PDK3: variants seen among roughly 807,000 people sequenced by gnomAD.
PDK3 encodes pyruvate dehydrogenase kinase, isozyme 3.
Under a neutral mutation model 32.0 loss-of-function variants are expected in PDK3, and 12 were observed. The ratio of observed to expected loss-of-function variants is 0.37; its 90% CI spans 0.24 to 0.61. PDK3 has a LOEUF of 0.61. Among genes scored for constraint, PDK3 ranks in the 20% least tolerant of loss-of-function variants. The pLI is 0.65. For missense variants in PDK3, 188 were observed against 316.9 expected (o/e 0.59, Z 3.09); for synonymous variants, 122 against 116.3 (o/e 1.05, Z -0.31).
chrX:24,466,455 C>T (rs1940065606), intron 1 of PDK3, among the ~76,000 whole-genome samples: 1 of 111,938 alleles, frequency 8.9e-6, no homozygotes, highest in African/African-American at 3.3e-5. Context: ...AAATCAAATC[C>T]AGCAGCAAAG....
chrX:24,505,046 A>G (rs1215752402), intron 4 of PDK3, among the ~76,000 whole-genome samples, 163 bp from the exon 5 acceptor site: 1 of 112,091 alleles, frequency 8.9e-6, no homozygotes, highest in Non-Finnish European at 1.9e-5. Context: ...AGAGTTGTTC[A>G]CCCATCAATT....
intron 10 of PDK3, among the ~76,000 whole-genome samples, chrX:24,533,581 G>A (rs1922706462): frequency 8.9e-6 from 1 of 111,777 alleles, no homozygotes; most frequent in Non-Finnish European, 1.9e-5. Flanking sequence ...TTATAAACCT[G>A]GGATGCATGA....
exon 12 of PDK3, among the ~76,000 whole-genome samples, chrX:24,543,638 A>G (rs1244379791): frequency 9.1e-6 from 1 of 110,236 alleles, no homozygotes; most frequent in African/African-American, 3.3e-5. Flanking sequence ...TAGTAGAGAC[A>G]GGGTTTCACC....
intron 3 of PDK3, among the ~76,000 whole-genome samples, chrX:24,500,722 T>G (rs1921834040): frequency 1.8e-5 from 2 of 112,032 alleles, no homozygotes; most frequent in South Asian, 7.4e-4. Context: ...CCTTTTCTGT[T>G]TACCAAGAGG....
At chrX:24,537,749 C>T (rs772241421), downstream of PDK3, among the ~76,000 whole-genome samples, 8 of 111,358 alleles carry the variant, frequency 7.2e-5, no homozygotes, top group African/African-American at 2.0e-4. Context: ...CATTTAGTAG[C>T]GTTGGTCTTC....
exon 12 of PDK3, chrX:24,550,095 G>A (rs1473424412): frequency 1.8e-5 from 2 of 111,837 alleles, no homozygotes; most frequent in Non-Finnish European, 3.8e-5. Context: ...AATCTGACCT[G>A]GTTCGCTTTG....
chrX:24,488,184 A>C (rs1037625389), intron 1 of PDK3, among the ~76,000 whole-genome samples: 1 of 111,221 alleles, frequency 9.0e-6, no homozygotes, highest in African/African-American at 3.3e-5. Context: ...TCCTGCTCTC[A>C]GGTGGCTAGC....
At chrX:24,537,081 A>G (rs1168687346), downstream of PDK3, among the ~76,000 whole-genome samples, 4 of 107,441 alleles carry the variant, frequency 3.7e-5, no homozygotes, top group Non-Finnish European at 7.7e-5. Context: ...CCTAGAATCA[A>G]CTGTTTCCCT....
At chrX:24,537,142 G>A (rs1232430962), downstream of PDK3, among the ~76,000 whole-genome samples, 1 of 89,019 alleles carries the variant, frequency 1.1e-5, no homozygotes, top group East Asian at 3.4e-4. Context: ...TTTTGAGACA[G>A]AGTCTCACTC....
rs758129546 is a variant in PDK3, at chrX:24,527,293, GA to G, written c.751-266del. 5.2e-3 allele frequency among the ~76,000 whole-genome samples: 397 copies of G among 75,949 alleles called. 2 individuals carry two copies. The highest frequency in any genetic ancestry group is 8.4e-3 in the African/African-American group (186 of 22,182). The allele number at this position is 75,949 out of a possible 115,157, so 66.0% of individuals were successfully genotyped here. A position where few individuals can be genotyped will look rare whatever the true frequency, so the allele number is the denominator to read the frequency against. On this transcript the variant is annotated intron_variant, in intron 7 of 10. Transcript: ENST00000379162. The stretch of plus-strand genomic sequence containing the variant: ...TTGAATAATTTAAATACCGTAAAGC[GA>G]AAAAAAAAAAAAAAGAGGAAGAAGA...
intron 1 of PDK3, among the ~76,000 whole-genome samples, chrX:24,469,881 A>G (rs113762659): frequency 2.4e-4 from 27 of 112,523 alleles, no homozygotes; most frequent in Non-Finnish European, 4.3e-4. Flanking sequence ...TGAAATTAAC[A>G]TATCTATCAT....
intron 1 of PDK3, among the ~76,000 whole-genome samples, chrX:24,484,375 G>A (rs1168384793): frequency 8.9e-6 from 1 of 112,367 alleles, no homozygotes; most frequent in Admixed American, 9.4e-5. Flanking sequence ...AATCTTTTGA[G>A]GAATCATGAT....
rs1461971915 is a variant in PDK3 at position 24,473,231 on chromosome X, A to G, written c.106+7670A>G. ...TCTACTAAAAATACAAAAATTAGCCAGGCATGGTGGTGGGCGCCTATAGTC... is the reference window on the plus strand; with the variant it reads ...TCTACTAAAAATACAAAAATTAGCCGGGCATGGTGGTGGGCGCCTATAGTC... On this transcript the variant is annotated intron_variant, in intron 1 of 10. Coordinates refer to ENST00000379162, the MANE Select transcript of PDK3 (RefSeq NM_005391.5). Among the ~76,000 whole-genome samples the G allele has an allele frequency of 3.8e-5, 4 of 104,725 alleles. No individual in the cohort carries two copies. In the East Asian group the frequency reaches 1.3e-3, roughly 34 times the overall value. The allele number at this position is 104,725 out of a possible 115,157, so 90.9% of individuals were successfully genotyped here. A position where few individuals can be genotyped will look rare whatever the true frequency, so the allele number is the denominator to read the frequency against.
In PDK3 at chrX:24,465,295, G is replaced by A. The variant is rs1940049810; in HGVS notation, c.-161G>A. On this transcript the variant is annotated 5_prime_UTR_variant, in exon 1 of 11. Transcript: ENST00000379162. ...CCGCGGGCGGCCCGCCGCTGTCCTG[G>A]AGCTGCTGCTGCTGCTGCGGCGGCT... The A allele has an allele frequency of 6.0e-6, 2 of 332,140 alleles. No homozygotes were observed. The highest frequency in any genetic ancestry group is 1.3e-4 in the Admixed American group (2 of 15,397). The allele number at this position is 332,140 out of a possible 1,213,427, so 27.4% of individuals were successfully genotyped here.
At chrX:24,496,824 G>A (rs1311576914) in intron 2 of PDK3, among the ~76,000 whole-genome samples, 3 of 77,885 alleles carry the variant, frequency 3.9e-5, no homozygotes, top group Admixed American at 1.9e-4. Context: ...CTCTGTTGCC[G>A]AGGCTGGAGT....
chrX:24,545,580 G>C (rs771180180), exon 12 of PDK3: 3 of 111,839 alleles, frequency 2.7e-5, no homozygotes, highest in Non-Finnish European at 5.6e-5. Context: ...TGACAGCCTT[G>C]CTGTATGCAC....
chrX:24,493,949 A>G (rs1921636272), intron 1 of PDK3, among the ~76,000 whole-genome samples: 1 of 111,947 alleles, frequency 8.9e-6, no homozygotes, highest in Non-Finnish European at 1.9e-5. Flanking sequence ...GCCACATGAC[A>G]GCAGGGGAAA....
intron 9 of PDK3, among the ~76,000 whole-genome samples, chrX:24,531,222 C>T (rs1922642501): frequency 9.0e-6 from 1 of 110,790 alleles, no homozygotes; most frequent in Non-Finnish European, 1.9e-5. Flanking sequence ...CCCACCACCT[C>T]GCCCAGCTAA....
intron 8 of PDK3, 102 bp from the exon 9 acceptor site, chrX:24,527,974 T>A (rs1036998193): frequency 3.0e-5 from 15 of 501,850 alleles, no homozygotes; most frequent in African/African-American, 4.7e-5. Flanking sequence ...CCTTGTACAT[T>A]GTGGAGTAAT....
Sources: allele counts gnomAD v4.1 joint callset (sites outside exome capture counted in the v4.1 genomes callset), GRCh38; gene constraint gnomAD v4.1.1; transcripts MANE v1.5; gene names NCBI Gene and HGNC (gene_info 2026-07-23, HGNC 2026-07-21).